PRKG1: variants seen among roughly 807,000 people sequenced by gnomAD.
PRKG1 encodes cGMP-dependent protein kinase 1.
A neutral mutation model predicts 88.1 loss-of-function variants in PRKG1; 35 were observed. The observed-to-expected ratio is 0.40, with a 90% CI of 0.30 to 0.53. The LOEUF is 0.53. PRKG1 is among the 20% of genes least tolerant of loss of function. The probability of loss-of-function intolerance (pLI) is 0.59; values close to 1 mark genes in which losing one functional copy is unlikely to be tolerated. For synonymous variants in PRKG1, 303 were observed against 292.5 expected (o/e 1.04, Z -0.37); for missense variants, 540 against 839.8 (o/e 0.64, Z 4.41).
At chr10:51,755,411 A>G (rs1837834250) in intron 3 of PRKG1, among the ~76,000 whole-genome samples, 1 of 152,200 alleles carries the variant, frequency 6.6e-6, no homozygotes, top group Non-Finnish European at 1.5e-5. Context: ...GGCTTTCTCA[A>G]CTATCTCACC....
intron 2 of PRKG1, among the ~76,000 whole-genome samples, chr10:51,276,003 T>A (rs938461129): frequency 2.6e-5 from 4 of 151,960 alleles, no homozygotes; most frequent in Non-Finnish European, 5.9e-5. Flanking sequence ...CTAGGGTACA[T>A]GTGCACAACG....
intron 1 of PRKG1, among the ~76,000 whole-genome samples, chr10:50,996,420 GAA>G (rs1842837886): frequency 6.6e-6 from 1 of 152,202 alleles, no homozygotes; most frequent in South Asian, 2.1e-4. Context: ...TAAATAGGAA[GAA>G]ATGAACCTTC....
intron 2 of PRKG1, among the ~76,000 whole-genome samples, chr10:51,175,990 A>G (rs1302608142): frequency 6.6e-6 from 1 of 152,196 alleles, no homozygotes. Context: ...ATCAAGAAAT[A>G]GAAGTACAGT....
At position 51,153,289 on chromosome 10, in the gene PRKG1, T is replaced by C. The variant is rs1164538129; in HGVS notation, c.437T>C (p.Ile146Thr). 1.9e-6 allele frequency: 3 copies of C among 1,612,230 alleles called. No individual in the cohort carries two copies. The highest frequency in any genetic ancestry group is 2.5e-6 in the Non-Finnish European group (3 of 1,178,810). ...PVEYGKDSCIIKEGDVGSLVY... is the reference protein window; with the variant it reads ...PVEYGKDSCITKEGDVGSLVY... ...GAGTATGGCAAGGACAGTTGCATCA[T>C]CAAAGAAGGAGACGTGGGGTCACTG... Residue 146 changes from isoleucine (I) to threonine (T), a missense_variant, in exon 2 of 18, where the codon ATC (isoleucine) becomes ACC (threonine). Ile to Thr is a moderately conservative substitution (Grantham distance 89, BLOSUM62 -1). Coordinates refer to ENST00000373980, the MANE Select transcript of PRKG1 (RefSeq NM_006258.4).
At chr10:51,260,214 C>A (rs146590956) in intron 2 of PRKG1, among the ~76,000 whole-genome samples, 35 of 152,060 alleles carry the variant, frequency 2.3e-4, no homozygotes, top group Admixed American at 9.2e-4. Flanking sequence ...CAGAAAACCA[C>A]TATTAATAAA....
intron 8 of PRKG1, among the ~76,000 whole-genome samples, chr10:52,143,639 A>G (rs888820463): frequency 1.3e-5 from 2 of 152,130 alleles, no homozygotes; most frequent in African/African-American, 4.8e-5. Context: ...TCCGCTGGGG[A>G]AGCTGCTGGC....
chr10:51,525,235 G>A (rs1348666690), intron 3 of PRKG1, among the ~76,000 whole-genome samples: 1 of 150,686 alleles, frequency 6.6e-6, no homozygotes, highest in East Asian at 1.9e-4. Context: ...AAGAAGAAAG[G>A]GAAGGAAAGA....
intron 2 of PRKG1, among the ~76,000 whole-genome samples, chr10:51,281,975 T>C (rs762677298): frequency 1.3e-5 from 2 of 152,210 alleles, no homozygotes; most frequent in African/African-American, 2.4e-5. Context: ...GGTATTAATA[T>C]GTTTAACAAT....
intron 2 of PRKG1, among the ~76,000 whole-genome samples, chr10:51,443,633 T>C (rs1254122465): frequency 6.6e-6 from 1 of 152,056 alleles, no homozygotes; most frequent in Non-Finnish European, 1.5e-5. Context: ...GATCCACAAA[T>C]GTGGACTTTA....
chr10:52,169,606 T>C (rs1838601041), intron 9 of PRKG1, among the ~76,000 whole-genome samples: 1 of 152,168 alleles, frequency 6.6e-6, no homozygotes, highest in Non-Finnish European at 1.5e-5. Context: ...AACAATGATA[T>C]TACATGTTGC....
At position 51,301,594 on chromosome 10, in the gene PRKG1, TCCAAAAAAGAA is replaced by T. The variant is rs1288730388; in HGVS notation, c.478+148265_478+148275del. ...AGCAACAGAAATCCATAGTAATCTA[TCCAAAAAAGAA>T]AGACCAAAGGATTGGGAATAGGTCA... On this transcript the variant is annotated intron_variant, in intron 2 of 17. Coordinates refer to ENST00000373980, the MANE Select transcript of PRKG1 (RefSeq NM_006258.4). Among the ~76,000 whole-genome samples, 7 of 152,102 alleles carry T rather than the reference TCCAAAAAAGAA, an allele frequency of 4.6e-5. No homozygotes were observed. In the East Asian group the frequency reaches 1.2e-3, roughly 25 times the overall value.
At chr10:51,163,584 G>C (rs1846428615) in intron 2 of PRKG1, among the ~76,000 whole-genome samples, 1 of 152,230 alleles carries the variant, frequency 6.6e-6, no homozygotes, top group South Asian at 2.1e-4. Context: ...AGCCGAAGCA[G>C]GGCGAGGCAT....
chr10:51,947,066 G>A (rs1306602233), intron 5 of PRKG1, among the ~76,000 whole-genome samples: 4 of 152,102 alleles, frequency 2.6e-5, no homozygotes, highest in African/African-American at 4.8e-5. Flanking sequence ...GCCCCCAGAT[G>A]TGGAGCCTAC....
chr10:51,515,265 T>C (rs1164124697), intron 3 of PRKG1, among the ~76,000 whole-genome samples: 1 of 152,156 alleles, frequency 6.6e-6, no homozygotes, highest in Non-Finnish European at 1.5e-5. Flanking sequence ...TCAAAGACAA[T>C]ACCATTTATA....
chr10:51,640,140 T>G (rs4486574), intron 3 of PRKG1, among the ~76,000 whole-genome samples: 1 of 152,100 alleles, frequency 6.6e-6, no homozygotes, highest in Non-Finnish European at 1.5e-5. Flanking sequence ...ATTTCTACCA[T>G]AACACTTCCA....
intron 5 of PRKG1, among the ~76,000 whole-genome samples, chr10:51,938,167 AG>A (rs1842834583): frequency 6.6e-6 from 1 of 152,096 alleles, no homozygotes; most frequent in African/African-American, 2.4e-5. Flanking sequence ...CACAAGAAGA[AG>A]GGTAAACACA....
chr10:52,284,486 G>A (rs1332255484), intron 14 of PRKG1, among the ~76,000 whole-genome samples: 4 of 150,654 alleles, frequency 2.7e-5, no homozygotes, highest in African/African-American at 4.9e-5. Context: ...GGTAAGAGAC[G>A]GTGGCCAGGG....
intron 9 of PRKG1, among the ~76,000 whole-genome samples, chr10:52,211,713 A>T (rs1468759011): frequency 6.6e-6 from 1 of 151,610 alleles, no homozygotes; most frequent in Admixed American, 6.6e-5. Context: ...AAAAAAAAAA[A>T]AAAAGAAAAG....
At chr10:51,354,061 T>C (rs1842311061) in intron 2 of PRKG1, among the ~76,000 whole-genome samples, 1 of 152,090 alleles carries the variant, frequency 6.6e-6, no homozygotes. Context: ...ATAAACAACA[T>C]ATATTCTCAC....
Sources: gnomAD v4.1 joint callset for allele counts (sites outside exome capture counted in the v4.1 genomes callset) on GRCh38, gnomAD v4.1.1 for gene constraint, MANE v1.5 for transcripts, NCBI Gene and HGNC (gene_info 2026-07-23, HGNC 2026-07-21) for gene names.